Variants in CNTNAP2 observed in about 807,000 individuals in gnomAD.
CNTNAP2 encodes the protein contactin associated protein 2.
Under a neutral mutation model 155.2 loss-of-function variants are expected in CNTNAP2, and 98 were observed. That is an observed-to-expected ratio of 0.63 (90% CI 0.54 to 0.75). The LOEUF is 0.75. CNTNAP2 is among the 30% of genes least tolerant of loss of function. CNTNAP2 has a pLI of 0.00. For missense variants in CNTNAP2, 1,727 were observed against 1,688.1 expected (o/e 1.02, Z -0.40); for synonymous variants, 651 against 631.2 (o/e 1.03, Z -0.47).
intron 21 of CNTNAP2, among the ~76,000 whole-genome samples, chr7:148,314,268 C>T (rs1797646544): frequency 6.6e-6 from 1 of 152,046 alleles, no homozygotes; most frequent in South Asian, 2.1e-4. Flanking sequence ...TAGGGAGGGA[C>T]CGATGTGTAA....
At chr7:147,349,535 A>T (rs1795934076) in intron 9 of CNTNAP2, among the ~76,000 whole-genome samples, 1 of 151,934 alleles carries the variant, frequency 6.6e-6, no homozygotes, top group Non-Finnish European at 1.5e-5. Flanking sequence ...ACCTGTCAAG[A>T]TAGATAGAAA....
intron 18 of CNTNAP2, among the ~76,000 whole-genome samples, chr7:148,211,717 C>G (rs967488236): frequency 1.3e-5 from 2 of 152,160 alleles, no homozygotes; most frequent in Non-Finnish European, 2.9e-5. Flanking sequence ...AACCTGAAGG[C>G]GTTTTGGTTT....
intron 9 of CNTNAP2, among the ~76,000 whole-genome samples, chr7:147,323,800 A>G (rs1795398093): frequency 6.6e-6 from 1 of 152,210 alleles, no homozygotes; most frequent in South Asian, 2.1e-4. Context: ...TTTTTAAGCA[A>G]TAGAATATTT....
chr7:147,085,270 C>T (rs970005606), intron 4 of CNTNAP2, among the ~76,000 whole-genome samples: 1 of 152,116 alleles, frequency 6.6e-6, no homozygotes, highest in Admixed American at 6.6e-5. Flanking sequence ...GGTTCCCAGC[C>T]TCCAGGCCAC....
intron 3 of CNTNAP2, among the ~76,000 whole-genome samples, chr7:146,930,875 A>G (rs1796737055): frequency 6.6e-6 from 1 of 152,220 alleles, no homozygotes; most frequent in South Asian, 2.1e-4. Flanking sequence ...TAATTCAACA[A>G]GAAGAGCTAA....
intron 5 of CNTNAP2, among the ~76,000 whole-genome samples, chr7:147,113,829 T>C (rs1800933026): frequency 6.6e-6 from 1 of 152,040 alleles, no homozygotes; most frequent in Non-Finnish European, 1.5e-5. Flanking sequence ...TTAGCTCTGA[T>C]CTTGGTTATT....
chr7:147,076,386 T>C (rs1480973301), intron 4 of CNTNAP2, among the ~76,000 whole-genome samples: 2 of 152,228 alleles, frequency 1.3e-5, no homozygotes, highest in Non-Finnish European at 2.9e-5. Flanking sequence ...TGGCCAGTGA[T>C]GATGAGCATT....
chr7:147,116,827 A>T (rs968356710), intron 5 of CNTNAP2, among the ~76,000 whole-genome samples: 1 of 152,016 alleles, frequency 6.6e-6, no homozygotes, highest in African/African-American at 2.4e-5. Flanking sequence ...GCTCTGCTTA[A>T]AGAAGCAGTC....
intron 3 of CNTNAP2, among the ~76,000 whole-genome samples, chr7:146,848,167 A>G (rs1354051173): frequency 3.3e-5 from 5 of 152,190 alleles, no homozygotes; most frequent in Non-Finnish European, 5.9e-5. Context: ...ATCAGAATCT[A>G]CAGTTTAGGA....
At chr7:148,246,005 A>G (rs1796255771) in intron 20 of CNTNAP2, among the ~76,000 whole-genome samples, 2 of 152,230 alleles carry the variant, frequency 1.3e-5, no homozygotes, top group African/African-American at 2.4e-5. Context: ...GGAACAGAGC[A>G]TTGCTGCTTT....
chr7:147,414,050 C>G (rs1010394585), intron 10 of CNTNAP2, among the ~76,000 whole-genome samples: 3 of 152,142 alleles, frequency 2.0e-5, no homozygotes, highest in Non-Finnish European at 4.4e-5. Flanking sequence ...CTTGTATCAC[C>G]TGTTATCTTT....
intron 13 of CNTNAP2, among the ~76,000 whole-genome samples, chr7:147,857,539 T>C (rs778626780): frequency 7.9e-5 from 12 of 152,188 alleles, no homozygotes; most frequent in Non-Finnish European, 1.5e-4. Context: ...CTGATAAATA[T>C]TAAAACTAAA....
intron 12 of CNTNAP2, among the ~76,000 whole-genome samples, chr7:147,576,195 G>A (rs144263311): frequency 8.5e-5 from 13 of 152,098 alleles, no homozygotes; most frequent in South Asian, 4.2e-4. Flanking sequence ...ACTGAACCCA[G>A]CAGAGTGTCT....
intron 1 of CNTNAP2, among the ~76,000 whole-genome samples, chr7:146,698,434 C>A (rs984233521): frequency 5.3e-5 from 8 of 151,970 alleles, no homozygotes; most frequent in African/African-American, 1.2e-4. Flanking sequence ...CTAGGCTGTA[C>A]TTTTATTTGT....
intron 3 of CNTNAP2, among the ~76,000 whole-genome samples, chr7:147,034,466 C>T (rs552480508): frequency 1.4e-4 from 22 of 152,056 alleles, no homozygotes; most frequent in Non-Finnish European, 2.6e-4. Context: ...GTTTACAGCT[C>T]CTGAAGCCCT....
At chr7:147,852,350 A>T (rs1798961985) in intron 13 of CNTNAP2, among the ~76,000 whole-genome samples, 2 of 152,270 alleles carry the variant, frequency 1.3e-5, no homozygotes, top group African/African-American at 4.8e-5. Flanking sequence ...TTTCTGTATC[A>T]TTCCAAAAAT....
chr7:146,910,566 A>T (rs950427200), intron 3 of CNTNAP2, among the ~76,000 whole-genome samples: 2 of 151,292 alleles, frequency 1.3e-5, no homozygotes, highest in African/African-American at 2.5e-5. Context: ...AGGATTCCCT[A>T]TTTAATAAAT....
intron 13 of CNTNAP2, among the ~76,000 whole-genome samples, chr7:147,725,763 C>G (rs1007004220): frequency 6.6e-6 from 1 of 152,062 alleles, no homozygotes; most frequent in Non-Finnish European, 1.5e-5. Flanking sequence ...GAACCCAACA[C>G]GAGACTTCCT....
At chr7:147,084,535 A>T (rs1048466803) in intron 4 of CNTNAP2, among the ~76,000 whole-genome samples, 1 of 98,728 alleles carries the variant, frequency 1.0e-5, no homozygotes, top group African/African-American at 3.1e-5. Flanking sequence ...ATAATACTAT[A>T]TATAATATAT....
Sources: gnomAD v4.1 joint callset for allele counts (sites outside exome capture counted in the v4.1 genomes callset) on GRCh38, gnomAD v4.1.1 for gene constraint, MANE v1.5 for transcripts, NCBI Gene and HGNC (gene_info 2026-07-23, HGNC 2026-07-21) for gene names.